Variants in KCNH6 observed in about 807,000 individuals in gnomAD.
The protein encoded by KCNH6 is voltage-gated inwardly rectifying potassium channel KCNH6.
KCNH6 carries 81 observed loss-of-function variants against 83.4 expected under a neutral mutation model. The observed-to-expected ratio is 0.97, with a 90% CI of 0.81 to 1.17. KCNH6 has a LOEUF of 1.17. KCNH6 is among the 50% of genes most tolerant of loss of function. KCNH6 has a pLI of 0.00. For missense variants in KCNH6, 1,203 were observed against 1,290.5 expected (o/e 0.93, Z 1.04); for synonymous variants, 503 against 545.6 (o/e 0.92, Z 1.09).
At chr17:63,540,443 A>G (rs1322374360) in intron 8 of KCNH6, among the ~76,000 whole-genome samples, 2 of 151,952 alleles carry the variant, frequency 1.3e-5, no homozygotes, top group Non-Finnish European at 1.5e-5. Flanking sequence ...AAAAAAAAAA[A>G]GTGCCATCAC....
In KCNH6 at chr17:63,539,513, G is replaced by A. The variant is rs568778527; in HGVS notation, c.1954+851G>A. On this transcript the variant is annotated intron_variant, in intron 8 of 12. Transcript: ENST00000314672. The stretch of plus-strand genomic sequence containing the variant: ...ATTCCATTTCTTCCTGGGCATGGCC[G>A]CCCTAGTATTCTATGAACAGATCAA... Among the ~76,000 whole-genome samples the A allele has an allele frequency of 2.0e-4, 31 of 152,274 alleles. No homozygotes were observed. In the South Asian group the frequency reaches 2.1e-3, roughly 10 times the overall value.
At position 63,538,637 on chromosome 17, in the gene KCNH6, CGACGACGTGGTCGTGGCCA is replaced by C. The variant is rs760656474; in HGVS notation, c.1930_1948del (p.Asp644SerfsTer2). The C allele has an allele frequency of 1.3e-6, 2 of 1,598,876 alleles. No individual in the cohort carries two copies. Among genetic ancestry groups the C allele is most frequent in the South Asian group, 2.2e-5 (2 of 89,314 alleles). On this transcript the variant is annotated frameshift_variant, in exon 8 of 13. Coordinates refer to ENST00000314672, the MANE Select transcript of KCNH6 (RefSeq NM_001278919.2). LOFTEE classifies it high-confidence loss of function. This position sits in a 1 kb window ranked among gnomAD's most constrained non-coding sequence, Gnocchi z 4.0. Reference sequence around the variant, plus strand: ...CCCGAGGCTCCATCGAGATCCTGCGCGACGACGTGGTCGTGGCCATCCTAGGTGGGTCCGGCGGAGTGGA... The same window carrying C: ...CCCGAGGCTCCATCGAGATCCTGCGCTCCTAGGTGGGTCCGGCGGAGTGGA...
intron 4 of KCNH6, among the ~76,000 whole-genome samples, chr17:63,532,049 T>C (rs2032152725): frequency 6.6e-6 from 1 of 152,180 alleles, no homozygotes; most frequent in Admixed American, 6.5e-5. Flanking sequence ...CTTGCAGCTC[T>C]GGGGGACACT....
Position 63,538,972 on chromosome 17 carries a change from G to A in KCNH6, c.1954+310G>A, listed in dbSNP as rs556558180. On this transcript the variant is annotated intron_variant, in intron 8 of 12. Transcript: ENST00000314672. This position sits in a 1 kb window ranked among gnomAD's most constrained non-coding sequence, Gnocchi z 4.0. ...CCCAGGCAGGTCTTCCTACCTTCTT[G>A]CACTCTTGGGGAGTTTAGGGAGAAA... 6.6e-6 allele frequency among the ~76,000 whole-genome samples: 1 copy of A among 152,268 alleles called. No individual in the cohort carries two copies. The highest frequency in any genetic ancestry group is 2.1e-4 in the South Asian group (1 of 4,818).
At chr17:63,528,794 G>C (rs185806671) in intron 2 of KCNH6, among the ~76,000 whole-genome samples, 1 of 152,194 alleles carries the variant, frequency 6.6e-6, no homozygotes, top group Admixed American at 6.5e-5. Context: ...GGGTGCTCGT[G>C]GGGTGCCTGG....
intron 9 of KCNH6, 88 bp from the exon 10 acceptor site, chr17:63,543,488 A>C: frequency 1.2e-6 from 1 of 812,090 alleles, no homozygotes; most frequent in South Asian, 1.5e-5. Flanking sequence ...CCTAGTTGTG[A>C]CAGCACCATG....
At chr17:63,528,875 C>T (rs1357793084) in intron 2 of KCNH6, among the ~76,000 whole-genome samples, 1 of 150,732 alleles carries the variant, frequency 6.6e-6, no homozygotes, top group African/African-American at 2.5e-5. Context: ...CGCTCTGTCA[C>T]CCAGGCTGGA....
chr17:63,538,320 C>A lies in KCNH6; in HGVS notation c.1701+56C>A, dbSNP rs948978209. 5.6e-6 allele frequency: 9 copies of A among 1,609,018 alleles called. No homozygotes were observed. The Admixed American group carries it at 1.3e-4, about 24-fold the overall frequency. ...GGCGTGGGGGGGAGCCAAGATCCTG[C>A]GGGGGCGGGGCGTCCCCAGAGCCCT... is the stretch of plus-strand genomic sequence containing the variant. On this transcript the variant is annotated intron_variant, in intron 7 of 12. Transcript: ENST00000314672. This position sits in a 1 kb window ranked among gnomAD's most constrained non-coding sequence, Gnocchi z 4.0.
chr17:63,542,981 C>T (rs1004868440), intron 9 of KCNH6, among the ~76,000 whole-genome samples: 4 of 152,114 alleles, frequency 2.6e-5, no homozygotes, highest in Non-Finnish European at 4.4e-5. Context: ...GCCAAAGTCA[C>T]GAAGGTATAA....
At position 63,536,576 on chromosome 17, in the gene KCNH6, G is replaced by A. The variant is rs572262883; in HGVS notation, c.1501+508G>A. The stretch of plus-strand genomic sequence containing the variant: ...GGAGAATCAGTTGAACCTGGGAGGT[G>A]GAGGTTGCAGTGAGCCAAGATCGTG... On this transcript the variant is annotated intron_variant, in intron 6 of 12. Coordinates refer to ENST00000314672, the MANE Select transcript of KCNH6 (RefSeq NM_001278919.2). Among the ~76,000 whole-genome samples the A allele has an allele frequency of 6.7e-3, 1,018 of 152,228 alleles. 13 individuals are homozygous for A. Among genetic ancestry groups the A allele is most frequent in the Non-Finnish European group, 0.01 (710 of 68,004 alleles).
In KCNH6 at chr17:63,538,509, G is replaced by A. The variant is rs139719681; in HGVS notation, c.1801G>A (p.Gly601Ser). The A allele has an allele frequency of 2.1e-4, 338 of 1,604,124 alleles. 1 individual carries two copies. Among genetic ancestry groups the A allele is most frequent in the Admixed American group, 6.7e-4 (39 of 58,586 alleles). Residue 601 changes from glycine (G) to serine (S), a missense_variant, in exon 8 of 13, where the codon GGC becomes AGC. Gly to Ser is a moderately conservative substitution (Grantham distance 56, BLOSUM62 0). Transcript: ENST00000314672. This position sits in a 1 kb window ranked among gnomAD's most constrained non-coding sequence, Gnocchi z 4.0. ...HCPAFSGAGKGCLRALAVKFK... is the reference protein window; with the variant it reads ...HCPAFSGAGKSCLRALAVKFK... ...CCCAGCTTTCAGCGGCGCCGGCAAG[G>A]GCTGCCTGCGCGCGCTAGCCGTCAA... is the stretch of plus-strand genomic sequence containing the variant.
In KCNH6 at chr17:63,534,534, C is replaced by G. The variant is rs1200293646; in HGVS notation, c.1101+223C>G. 6.6e-6 allele frequency among the ~76,000 whole-genome samples: 1 copy of G among 152,160 alleles called. No individual in the cohort carries two copies. The highest frequency in any genetic ancestry group is 1.5e-5 in the Non-Finnish European group (1 of 68,010). The stretch of plus-strand genomic sequence containing the variant: ...AGGCCTCTGTCCCTCTGCCCCCTCT[C>G]TGAGCAGGCCCTGGTAAGAGGAGCA... On this transcript the variant is annotated intron_variant, in intron 5 of 12. Coordinates refer to ENST00000314672, the MANE Select transcript of KCNH6 (RefSeq NM_001278919.2). This position sits in a 1 kb window ranked among gnomAD's most constrained non-coding sequence, Gnocchi z 5.0.
In KCNH6 at chr17:63,530,491, G is replaced by A. The variant is rs1293254072; in HGVS notation, c.624G>A (p.Ala208=). The A allele has an allele frequency of 1.4e-5, 23 of 1,614,064 alleles. No individual in the cohort carries two copies. Among genetic ancestry groups the A allele is most frequent in the African/African-American group, 4.0e-5 (3 of 74,948 alleles). Residue 208 remains alanine, a synonymous_variant, in exon 4 of 13, where the codon GCG becomes GCA. Transcript: ENST00000314672. ...CCACCACGGAGATTGAGATCATCGC[G>A]CCCCATAAGGTGGTGGAGCGGACAC... ...SSSTTEIEII[A]PHKVVERTQN...
intron 9 of KCNH6, among the ~76,000 whole-genome samples, chr17:63,542,869 A>G (rs1598011369): frequency 6.6e-6 from 1 of 152,360 alleles, no homozygotes; most frequent in South Asian, 2.1e-4. Flanking sequence ...TGCCAGACAC[A>G]GGGGCTGCCA....
rs746272046 is a variant in KCNH6 at position 63,545,212 on chromosome 17, AGAC to A, written c.2537_2539del (p.Thr846del). 6.2e-7 allele frequency: 1 copy of A among 1,613,704 alleles called. No homozygotes were observed. The highest frequency in any genetic ancestry group is 1.1e-5 in the South Asian group (1 of 91,084). ...CTGGCCTTGGTTCCTATAGCCTCGG[AGAC>A]GACGAGTCCAGGGCCCAGGCTGCCC... On this transcript the variant is annotated inframe_deletion, in exon 12 of 13. Transcript: ENST00000314672.
downstream of KCNH6, chr17:63,548,801 G>C (rs1033940223): frequency 2.6e-5 from 4 of 151,808 alleles, no homozygotes; most frequent in Non-Finnish European, 5.9e-5. Flanking sequence ...CCTCCTTACA[G>C]GGGATTTCCT....
At chr17:63,530,065 C>CCCCATCCTCCCAATGGTGT in intron 2 of KCNH6, 26 bp from the exon 3 acceptor site, 1 of 1,610,512 alleles carries the variant, frequency 6.2e-7, no homozygotes, top group Non-Finnish European at 8.5e-7. Context: ...AGGGCCCACC[C>CCCCATCCTCCCAATGGTGT]CCCATCCTCC....
At chr17:63,537,357 A>T (rs1008153727) in intron 6 of KCNH6, among the ~76,000 whole-genome samples, 2 of 152,204 alleles carry the variant, frequency 1.3e-5, no homozygotes, top group African/African-American at 4.8e-5. Context: ...GTATTTAGAG[A>T]TATGAAAGTC....
intron 4 of KCNH6, among the ~76,000 whole-genome samples, chr17:63,531,416 G>A (rs1295141083): frequency 6.6e-6 from 1 of 152,252 alleles, no homozygotes; most frequent in Non-Finnish European, 1.5e-5. Context: ...AGACAAAGCT[G>A]TAAGTCATAG....
Sources: gnomAD v4.1 joint callset for allele counts (sites outside exome capture counted in the v4.1 genomes callset) on GRCh38, gnomAD v4.1.1 for gene constraint, Gnocchi (gnomAD v3.1) non-coding constraint, MANE v1.5 for transcripts, NCBI Gene and HGNC (gene_info 2026-07-23, HGNC 2026-07-21) for gene names.